The following LINGO2 variants were observed in gnomAD, a reference collection of about 807,000 sequenced individuals.
LINGO2 encodes leucine-rich repeat and immunoglobulin-like domain-containing nogo receptor-interacting protein 2.
In LINGO2, 14 loss-of-function variants were observed where a neutral mutation model predicts 30.6. That is an observed-to-expected ratio of 0.46 (90% CI 0.30 to 0.72). LINGO2 has a LOEUF of 0.72. Among genes scored for constraint, LINGO2 ranks in the 30% least tolerant of loss-of-function variants. LINGO2 has a pLI of 0.07. For synonymous variants in LINGO2, 317 were observed against 288.5 expected (o/e 1.10, Z -1.00); for missense variants, 729 against 751.7 (o/e 0.97, Z 0.35).
At chr9:28,077,789 AAGAG>A (rs1285427947) in intron 4 of LINGO2, among the ~76,000 whole-genome samples, 1 of 148,674 alleles carries the variant, frequency 6.7e-6, no homozygotes. Flanking sequence ...TAAAAAAAGA[AAGAG>A]AAGAAAGAAG....
At chr9:28,228,485 G>A (rs1420062811) in intron 4 of LINGO2, among the ~76,000 whole-genome samples, 1 of 151,922 alleles carries the variant, frequency 6.6e-6, no homozygotes, top group Non-Finnish European at 1.5e-5. Flanking sequence ...ACAGGAAAAT[G>A]TTGGGATTTG....
At chr9:29,045,259 C>T in the LINGO2 span, among the ~76,000 whole-genome samples, 14 of 152,000 alleles carry the variant, frequency 9.2e-5, no homozygotes, top group Admixed American at 5.9e-4. Flanking sequence ...TGGAATGTTC[C>T]GTTTACTATT....
intron 4 of LINGO2, among the ~76,000 whole-genome samples, chr9:28,210,814 T>A (rs1002427512): frequency 6.7e-6 from 1 of 149,768 alleles, no homozygotes; most frequent in Non-Finnish European, 1.5e-5. Context: ...ATTTTTTTCA[T>A]GAGATTTCTA....
the LINGO2 span, among the ~76,000 whole-genome samples, chr9:29,042,672 A>C: frequency 6.6e-6 from 1 of 151,948 alleles, no homozygotes; most frequent in Admixed American, 6.6e-5. Flanking sequence ...GCATATATTT[A>C]TGATGTACAA....
intron 1 of LINGO2, among the ~76,000 whole-genome samples, chr9:28,616,899 T>C (rs1036204700): frequency 6.6e-6 from 1 of 152,216 alleles, no homozygotes; most frequent in Non-Finnish European, 1.5e-5. Flanking sequence ...AAAAGACTCT[T>C]TCATCACAAC....
At chr9:29,118,202 T>A in the LINGO2 span, among the ~76,000 whole-genome samples, 1 of 152,104 alleles carries the variant, frequency 6.6e-6, no homozygotes, top group African/African-American at 2.4e-5. Context: ...TGTGGGCTGT[T>A]TTGCATTCAT....
At chr9:28,481,797 CAG>C in intron 1 of LINGO2, among the ~76,000 whole-genome samples, 1 of 151,242 alleles carries the variant, frequency 6.6e-6, no homozygotes, top group Admixed American at 6.6e-5. Context: ...CAACAGTCCC[CAG>C]AGTGTGATGT....
the LINGO2 span, among the ~76,000 whole-genome samples, chr9:29,027,128 T>C: frequency 6.6e-6 from 1 of 152,114 alleles, no homozygotes; most frequent in Non-Finnish European, 1.5e-5. Flanking sequence ...TAAAAAAATA[T>C]AGTTATTATA....
the LINGO2 span, among the ~76,000 whole-genome samples, chr9:28,680,499 A>G: frequency 6.6e-6 from 1 of 152,094 alleles, no homozygotes; most frequent in African/African-American, 2.4e-5. Context: ...GCTGCATCAT[A>G]TGGTAATTCT....
chr9:28,961,117 T>C, the LINGO2 span, among the ~76,000 whole-genome samples: 12 of 152,292 alleles, frequency 7.9e-5, no homozygotes, highest in East Asian at 9.6e-4. Context: ...AATCCAGCTA[T>C]ATACTGTAAG....
At chr9:28,297,454 A>T (rs966837471) in intron 3 of LINGO2, among the ~76,000 whole-genome samples, 1 of 152,216 alleles carries the variant, frequency 6.6e-6, no homozygotes, top group Non-Finnish European at 1.5e-5. Flanking sequence ...GCAAAAAGAC[A>T]TAAGTTCTCT....
At chr9:28,360,359 C>T (rs1226578591) in intron 3 of LINGO2, among the ~76,000 whole-genome samples, 1 of 152,164 alleles carries the variant, frequency 6.6e-6, no homozygotes, top group African/African-American at 2.4e-5. Flanking sequence ...TCTGATACAT[C>T]AAGGAACCTA....
intron 4 of LINGO2, among the ~76,000 whole-genome samples, chr9:28,060,352 C>A (rs976111520): frequency 1.3e-5 from 2 of 152,128 alleles, no homozygotes; most frequent in Non-Finnish European, 2.9e-5. Context: ...ATATATTAAG[C>A]CCCTAATTAC....
intron 1 of LINGO2, among the ~76,000 whole-genome samples, chr9:28,502,131 GACACACAC>G (rs57545947): frequency 4.1e-5 from 6 of 147,028 alleles, no homozygotes; most frequent in African/African-American, 1.5e-4. Flanking sequence ...GAGAAACACA[GACACACAC>G]ACACACACAC....
chr9:28,332,892 T>C (rs1825471757), intron 3 of LINGO2, among the ~76,000 whole-genome samples: 1 of 152,176 alleles, frequency 6.6e-6, no homozygotes, highest in Non-Finnish European at 1.5e-5. Flanking sequence ...GGTCTCTGCC[T>C]TGTTTTCTAG....
At chr9:27,999,096 A>C (rs565815729) in intron 5 of LINGO2, among the ~76,000 whole-genome samples, 2 of 152,186 alleles carry the variant, frequency 1.3e-5, no homozygotes, top group African/African-American at 4.8e-5. Context: ...CCCTAAACTA[A>C]AATAATACCT....
intron 4 of LINGO2, among the ~76,000 whole-genome samples, chr9:28,190,899 C>A (rs906757689): frequency 3.9e-5 from 6 of 152,206 alleles, no homozygotes; most frequent in African/African-American, 1.4e-4. Context: ...AATTTAACAA[C>A]TAATATACCA....
At chr9:29,059,090 A>G in the LINGO2 span, among the ~76,000 whole-genome samples, 3 of 152,070 alleles carry the variant, frequency 2.0e-5, no homozygotes, top group South Asian at 6.2e-4. Flanking sequence ...AAAACATATG[A>G]GAGATTTATA....
chr9:28,569,304 T>C (rs1008456504), intron 1 of LINGO2, among the ~76,000 whole-genome samples: 1 of 151,882 alleles, frequency 6.6e-6, no homozygotes, highest in African/African-American at 2.4e-5. Flanking sequence ...CCAAAGGAAA[T>C]GAAATCAGTA....
Sources: allele counts gnomAD v4.1 joint callset (sites outside exome capture counted in the v4.1 genomes callset), GRCh38; gene constraint gnomAD v4.1.1; transcripts MANE v1.5; gene names NCBI Gene and HGNC (gene_info 2026-07-23, HGNC 2026-07-21).